TLK1: variants seen among roughly 807,000 people sequenced by gnomAD.
TLK1 encodes serine/threonine-protein kinase tousled-like 1.
TLK1 carries 24 observed loss-of-function variants against 105.3 expected under a neutral mutation model. The ratio of observed to expected loss-of-function variants is 0.23; its 90% CI spans 0.17 to 0.32. TLK1 has a LOEUF of 0.32. TLK1 is among the 10% of genes least tolerant of loss of function. The probability of loss-of-function intolerance (pLI) is 1.00; values close to 1 mark genes in which losing one functional copy is unlikely to be tolerated. For missense variants in TLK1, 558 were observed against 910.5 expected, an observed-to-expected ratio of 0.61 and a Z score of 4.98; for synonymous variants, 321 against 310.4, an observed-to-expected ratio of 1.03 and a Z score of -0.36.
intron 1 of TLK1, among the ~76,000 whole-genome samples, chr2:171,186,230 T>C (rs891073993): frequency 1.3e-5 from 2 of 152,222 alleles, no homozygotes; most frequent in Non-Finnish European, 2.9e-5. Context: ...GAAATGCCTA[T>C]AGGAAACACC....
chr2:171,225,786 G>A (rs1283889556), intron 1 of TLK1, among the ~76,000 whole-genome samples: 1 of 152,176 alleles, frequency 6.6e-6, no homozygotes, highest in East Asian at 1.9e-4. Flanking sequence ...GTTCCTTAAT[G>A]TGTCTTTATT....
intron 1 of TLK1, among the ~76,000 whole-genome samples, chr2:171,121,293 G>A (rs1199562009): frequency 6.6e-6 from 1 of 152,162 alleles, no homozygotes; most frequent in Non-Finnish European, 1.5e-5. Flanking sequence ...CACTTTGGGA[G>A]CCCAAGGCAA....
intron 13 of TLK1, among the ~76,000 whole-genome samples, chr2:171,013,104 C>A (rs1037358455): frequency 6.6e-6 from 1 of 151,692 alleles, no homozygotes. Context: ...CCTCCGCCTC[C>A]CGGGTTCAAG....
At chr2:171,061,296 C>T (rs540920998) in intron 3 of TLK1, 140 bp from the exon 4 acceptor site, 5 of 637,522 alleles carry the variant, frequency 7.8e-6, no homozygotes, top group Admixed American at 3.3e-5. Context: ...GTTATTTACA[C>T]ACAATTTATT....
intron 1 of TLK1, among the ~76,000 whole-genome samples, chr2:171,209,959 C>G (rs1032538394): frequency 6.6e-6 from 1 of 152,216 alleles, no homozygotes; most frequent in African/African-American, 2.4e-5. Context: ...GATACACATT[C>G]TCAAAATTTC....
At chr2:171,140,252 C>T (rs1445098647) in intron 1 of TLK1, among the ~76,000 whole-genome samples, 2 of 152,216 alleles carry the variant, frequency 1.3e-5, no homozygotes, top group Admixed American at 1.3e-4. Flanking sequence ...GGACTTTCTC[C>T]TTCCAGTAAT....
intron 18 of TLK1, among the ~76,000 whole-genome samples, chr2:170,998,463 C>CT (rs997494676): frequency 2.0e-5 from 3 of 152,174 alleles, no homozygotes; most frequent in Non-Finnish European, 4.4e-5. Context: ...CCTTTATCCT[C>CT]TGAGCTCTTG....
intron 1 of TLK1, among the ~76,000 whole-genome samples, chr2:171,196,857 T>C (rs1021139857): frequency 1.3e-5 from 2 of 152,384 alleles, no homozygotes; most frequent in African/African-American, 4.8e-5. Flanking sequence ...AAAGTAACTA[T>C]GCCTATATGA....
intron 3 of TLK1, among the ~76,000 whole-genome samples, chr2:171,068,192 G>C (rs1406649903): frequency 6.6e-6 from 1 of 152,046 alleles, no homozygotes; most frequent in Non-Finnish European, 1.5e-5. Flanking sequence ...AGCCAGATCT[G>C]GTGGTGAGCA....
chr2:171,074,999 T>C (rs1688436908), intron 3 of TLK1, among the ~76,000 whole-genome samples: 1 of 152,068 alleles, frequency 6.6e-6, no homozygotes, highest in Admixed American at 6.6e-5. Flanking sequence ...CTCTTCTTTC[T>C]TACTAGGTAC....
chr2:171,014,464 A>G (rs761245263), intron 13 of TLK1, among the ~76,000 whole-genome samples: 1 of 152,050 alleles, frequency 6.6e-6, no homozygotes, highest in African/African-American at 2.4e-5. Context: ...CCTCTTGAGT[A>G]GCTGGAACTA....
At position 171,058,205 on chromosome 2, in the gene TLK1, AT is replaced by A; in HGVS notation, c.407-9del. On this transcript the variant is annotated splice_polypyrimidine_tract_variant and intron_variant, in intron 4 of 20. Coordinates refer to ENST00000431350, the MANE Select transcript of TLK1 (RefSeq NM_012290.5). ...GTCCCCCAATACTTTTTCCTAAAAT[AT>A]AAGAAGCGCATGATGTTAGTAGGGT... 1 of 1,613,446 alleles carries A rather than the reference AT, an allele frequency of 6.2e-7. No homozygotes were observed. The highest frequency in any genetic ancestry group is 8.5e-7 in the Non-Finnish European group (1 of 1,179,472).
upstream of TLK1, among the ~76,000 whole-genome samples, chr2:171,162,864 C>G (rs1692540649): frequency 6.6e-6 from 1 of 152,224 alleles, no homozygotes; most frequent in South Asian, 2.1e-4. Context: ...GCCATCTCGG[C>G]TCACTGCAGC....
chr2:171,187,057 CAAAAAAAAA>C (rs71013019), intron 1 of TLK1, among the ~76,000 whole-genome samples: 33 of 34,058 alleles, frequency 9.7e-4, no homozygotes, highest in African/African-American at 2.8e-3. Context: ...GACTCTGTCT[CAAAAAAAAA>C]AAAAAAAAAA....
chr2:171,213,394 T>C (rs1479897121), intron 1 of TLK1, among the ~76,000 whole-genome samples: 3 of 151,734 alleles, frequency 2.0e-5, no homozygotes, highest in African/African-American at 7.3e-5. Flanking sequence ...GTAGAGACAG[T>C]GTTTCACAGT....
At chr2:171,176,171 C>T (rs1180879733) in intron 1 of TLK1, among the ~76,000 whole-genome samples, 1 of 152,084 alleles carries the variant, frequency 6.6e-6, no homozygotes, top group Non-Finnish European at 1.5e-5. Context: ...AACTCCCAAC[C>T]TCAGGTGATC....
intron 2 of TLK1, among the ~76,000 whole-genome samples, chr2:171,107,511 T>A (rs1178811580): frequency 6.6e-6 from 1 of 152,202 alleles, no homozygotes; most frequent in Non-Finnish European, 1.5e-5. Flanking sequence ...TATTATGTAT[T>A]ATAACAACAA....
chr2:171,019,379 C>G (rs1685367828), intron 12 of TLK1, among the ~76,000 whole-genome samples: 1 of 152,080 alleles, frequency 6.6e-6, no homozygotes, highest in Non-Finnish European at 1.5e-5. Context: ...GTAGGTGAAT[C>G]TGGAGTATTT....
intron 3 of TLK1, among the ~76,000 whole-genome samples, chr2:171,071,660 G>C (rs1229943099): frequency 6.6e-6 from 1 of 152,190 alleles, no homozygotes; most frequent in East Asian, 1.9e-4. Context: ...CCAGACCAAT[G>C]TCCTGGAGAG....
Sources: allele counts gnomAD v4.1 joint callset (sites outside exome capture counted in the v4.1 genomes callset), GRCh38; gene constraint gnomAD v4.1.1; transcripts MANE v1.5; gene names NCBI Gene and HGNC (gene_info 2026-07-23, HGNC 2026-07-21).